TRPM1: variants seen among roughly 807,000 people sequenced by gnomAD.
TRPM1 encodes TRPM1-203 APA Isoform, Intron 10.
In TRPM1, 113 loss-of-function variants were observed where a neutral mutation model predicts 149.4. The observed-to-expected ratio is 0.76, with a 90% CI of 0.65 to 0.88. TRPM1 has a LOEUF of 0.88. Among genes scored for constraint, TRPM1 ranks in the 40% least tolerant of loss-of-function variants. The pLI is 0.00. For missense variants in TRPM1, 1,976 were observed against 2,038.7 expected (o/e 0.97, Z 0.59); for synonymous variants, 741 against 759.5 (o/e 0.98, Z 0.40).
chr15:31,089,806 G>T (rs1272665598), intron 1 of TRPM1, among the ~76,000 whole-genome samples: 1 of 152,134 alleles, frequency 6.6e-6, no homozygotes, highest in Non-Finnish European at 1.5e-5. Flanking sequence ...AAGCTTTTGG[G>T]CCCCAGAACA....
chr15:31,050,336 C>T (rs2140940719), intron 12 of TRPM1, 73 bp downstream of exon 12: 1 of 1,612,082 alleles, frequency 6.2e-7, no homozygotes, highest in Non-Finnish European at 8.5e-7. Context: ...GGGACTGAAG[C>T]AAGGACAAGA....
intron 1 of TRPM1, among the ~76,000 whole-genome samples, chr15:31,156,618 T>A (rs1331717532): frequency 6.6e-6 from 1 of 152,198 alleles, no homozygotes; most frequent in Non-Finnish European, 1.5e-5. Flanking sequence ...CCCCACAATA[T>A]GTCCCCATTT....
At chr15:31,096,992 G>A (rs2141009937) in intron 1 of TRPM1, among the ~76,000 whole-genome samples, 2 of 152,368 alleles carry the variant, frequency 1.3e-5, no homozygotes, top group Middle Eastern at 6.8e-3. Context: ...CGTGACGGTG[G>A]AGGCTGCCAG....
In TRPM1 at chr15:31,050,422, T is replaced by C. The variant is rs1289846584; in HGVS notation, c.1424A>G (p.Glu475Gly). The change falls in exon 12 of 28, where the codon GAG (glutamate) becomes GGG (glycine). Residue 475 changes from glutamate (E) to glycine (G), a missense_variant. Glu to Gly is a moderately conservative substitution (Grantham distance 98). This residue lies in a region of TRPM1 where 1,332 missense variants were observed against 1,347.1 expected (regional missense o/e 0.99). Coordinates refer to ENST00000256552, the MANE Select transcript of TRPM1 (RefSeq NM_001252024.2). Reference sequence around the variant, plus strand: ...CCTTCCACATACCCAGTTCAGCAGCTCTATCTTCCGGGGGTCAGTTTCTTC... The same window carrying C: ...CCTTCCACATACCCAGTTCAGCAGCCCTATCTTCCGGGGGTCAGTTTCTTC... ...VEEETDPRKI[E>G]LLNWVNALEQ... The C allele has an allele frequency of 1.9e-6, 3 of 1,614,080 alleles. 1 individual carries two copies. The South Asian group carries it at 3.3e-5, about 18-fold the overall frequency.
chr15:31,118,672 A>C (rs73375959), intron 1 of TRPM1, among the ~76,000 whole-genome samples: 1 of 152,116 alleles, frequency 6.6e-6, no homozygotes, highest in Admixed American at 6.5e-5. Flanking sequence ...AAGATTGCCA[A>C]CTTCTCACTT....
chr15:31,047,323 G>T (rs573523165), intron 14 of TRPM1, 72 bp from the exon 15 acceptor site: 2 of 1,580,430 alleles, frequency 1.3e-6, no homozygotes, highest in Admixed American at 3.4e-5. Flanking sequence ...ACGTCTAGGG[G>T]GTAAGTGGCT....
At chr15:31,026,663 A>G (rs377732900) in intron 26 of TRPM1, among the ~76,000 whole-genome samples, 1 of 152,214 alleles carries the variant, frequency 6.6e-6, no homozygotes, top group Non-Finnish European at 1.5e-5. Flanking sequence ...TTTACAGAGT[A>G]GAGTTATTTT....
intron 21 of TRPM1, 196 bp from the exon 22 acceptor site, chr15:31,033,136 A>G (rs753177869): frequency 2.1e-5 from 15 of 709,238 alleles, no homozygotes; most frequent in South Asian, 1.1e-4. Context: ...CCCTATTCTT[A>G]GATTCAGGGT....
intron 1 of TRPM1, among the ~76,000 whole-genome samples, chr15:31,140,249 G>A (rs1329158610): frequency 6.6e-6 from 1 of 151,694 alleles, no homozygotes; most frequent in Non-Finnish European, 1.5e-5. Flanking sequence ...CATGGTGGCA[G>A]GAGCCTGTAG....
At chr15:31,080,761 CT>C (rs1436735540) in intron 2 of TRPM1, among the ~76,000 whole-genome samples, 4 of 151,226 alleles carry the variant, frequency 2.6e-5, no homozygotes, top group Non-Finnish European at 5.9e-5. Context: ...GCCCCTCGTC[CT>C]TTCCCACACT....
chr15:31,059,642 A>T (rs767339967), intron 11 of TRPM1, among the ~76,000 whole-genome samples: 9 of 152,096 alleles, frequency 5.9e-5, no homozygotes, highest in Non-Finnish European at 1.0e-4. Context: ...CCTGGCCTCA[A>T]GCAATCCTCC....
chr15:31,087,690 C>A (rs1023395668), intron 1 of TRPM1, among the ~76,000 whole-genome samples: 8 of 152,102 alleles, frequency 5.3e-5, no homozygotes, highest in African/African-American at 1.9e-4. Flanking sequence ...TATGATTCAG[C>A]AGGAAGGGCA....
chr15:31,052,648 G>A (rs2033976900), intron 11 of TRPM1, among the ~76,000 whole-genome samples: 1 of 152,080 alleles, frequency 6.6e-6, no homozygotes, highest in African/African-American at 2.4e-5. Context: ...GGTGGTGGGT[G>A]CCTGTAATCC....
intron 1 of TRPM1, among the ~76,000 whole-genome samples, chr15:31,096,146 G>T (rs2035380329): frequency 6.6e-6 from 1 of 151,780 alleles, no homozygotes; most frequent in Admixed American, 6.6e-5. Context: ...AAGGAAGGAA[G>T]GGAGGGAGGA....
intron 22 of TRPM1, 171 bp from the exon 23 acceptor site, chr15:31,031,328 T>C (rs2033068757): frequency 3.0e-6 from 2 of 677,184 alleles, no homozygotes; most frequent in South Asian, 3.5e-5. Flanking sequence ...TCCTACTCCA[T>C]GCAATGCTTT....
chr15:31,134,556 A>G (rs1390656217), intron 1 of TRPM1, among the ~76,000 whole-genome samples: 2 of 152,254 alleles, frequency 1.3e-5, no homozygotes, highest in Non-Finnish European at 2.9e-5. Flanking sequence ...CACCAACTTC[A>G]ATCTGTGTAA....
rs1181101219 is a variant in TRPM1 at position 31,001,769 on chromosome 15, C to T, written c.*53G>A. On this transcript the variant is annotated 3_prime_UTR_variant, in exon 28 of 28. Coordinates refer to ENST00000256552, the MANE Select transcript of TRPM1 (RefSeq NM_001252024.2). Reference sequence around the variant, plus strand: ...GATGATGTTTAGATGGCCAAGATGACACCCATTAGTGGTTCTGACTGTTAA... The same window carrying T: ...GATGATGTTTAGATGGCCAAGATGATACCCATTAGTGGTTCTGACTGTTAA... 2 of 1,565,262 alleles carry T rather than the reference C, an allele frequency of 1.3e-6. No individual in the cohort carries two copies. Among genetic ancestry groups the T allele is most frequent in the South Asian group, 2.3e-5 (2 of 85,520 alleles).
chr15:31,104,728 G>A (rs571713313), upstream of TRPM1, among the ~76,000 whole-genome samples: 9 of 151,572 alleles, frequency 5.9e-5, no homozygotes, highest in Non-Finnish European at 1.3e-4. Flanking sequence ...CGAGTAGCTG[G>A]GACTACAGGT....
intron 11 of TRPM1, among the ~76,000 whole-genome samples, chr15:31,051,333 C>T (rs2033943813): frequency 6.6e-6 from 1 of 152,212 alleles, no homozygotes; most frequent in Non-Finnish European, 1.5e-5. Flanking sequence ...ACCCGCTCCT[C>T]TTACCAAACG....
Sources: allele counts gnomAD v4.1 joint callset (sites outside exome capture counted in the v4.1 genomes callset), GRCh38; gene constraint gnomAD v4.1.1; regional missense constraint gnomAD v4.1.1; transcripts MANE v1.5; gene names NCBI Gene and HGNC (gene_info 2026-07-23, HGNC 2026-07-21).